The following COL24A1 variants were observed in gnomAD, a reference collection of about 807,000 sequenced individuals.
COL24A1 encodes the protein collagen alpha-1(XXIV) chain.
Under a neutral mutation model 253.9 loss-of-function variants are expected in COL24A1, and 224 were observed. That is an observed-to-expected ratio of 0.88 (90% CI 0.79 to 0.99). COL24A1 has a LOEUF of 0.99. Among genes scored for constraint, COL24A1 ranks in the 50% least tolerant of loss-of-function variants. The pLI is 0.00. For synonymous variants in COL24A1, 685 were observed against 673.7 expected, an observed-to-expected ratio of 1.02 and a Z score of -0.26; for missense variants, 2,131 against 2,068.5, an observed-to-expected ratio of 1.03 and a Z score of -0.59.
chr1:85,915,271 G>A (rs188549438), intron 24 of COL24A1, among the ~76,000 whole-genome samples: 118 of 152,288 alleles, frequency 7.7e-4, no homozygotes, highest in Non-Finnish European at 1.3e-3. Context: ...TAGTTCTCAG[G>A]CCTTTGGACT....
chr1:86,049,050 C>A lies in COL24A1; in HGVS notation c.1905+1074G>T, dbSNP rs566600057. Among the ~76,000 whole-genome samples, 24 of 152,296 alleles carry A rather than the reference C, an allele frequency of 1.6e-4. No individual in the cohort carries two copies. In the South Asian group the frequency reaches 5.0e-3, roughly 32 times the overall value. On this transcript the variant is annotated intron_variant, in intron 11 of 59. Coordinates refer to ENST00000370571, the MANE Select transcript of COL24A1 (RefSeq NM_152890.7). ...ACCATTGGGTCAAGAAGTAGCAGAT[C>A]AATTCTCTGCGTGATCGGTGAGATA...
At chr1:85,845,100 C>G (rs1201431182) in intron 39 of COL24A1, among the ~76,000 whole-genome samples, 2 of 151,696 alleles carry the variant, frequency 1.3e-5, no homozygotes, top group African/African-American at 2.4e-5. Flanking sequence ...ATTCAATAAG[C>G]TAAAATAAAA....
At chr1:85,841,182 T>G (rs1011826639) in intron 42 of COL24A1, 40 bp downstream of exon 42, 2 of 1,441,364 alleles carry the variant, frequency 1.4e-6, no homozygotes, top group Non-Finnish European at 1.9e-6. Context: ...TAATTGTGTT[T>G]TATCTTGAAT....
chr1:86,033,250 G>GT (rs972662530), intron 13 of COL24A1, among the ~76,000 whole-genome samples: 18 of 152,128 alleles, frequency 1.2e-4, no homozygotes, highest in African/African-American at 4.3e-4. Context: ...GAGATTTTGT[G>GT]TTTTTTTCTA....
chr1:86,020,042 C>G (rs1393505017), intron 18 of COL24A1, among the ~76,000 whole-genome samples: 3 of 142,588 alleles, frequency 2.1e-5, no homozygotes, highest in Non-Finnish European at 4.6e-5. Context: ...ATGGCCTAAA[C>G]TTTCTTTTTT....
intron 8 of COL24A1, among the ~76,000 whole-genome samples, chr1:86,063,044 ATAT>A (rs1202705608): frequency 6.6e-6 from 1 of 151,962 alleles, no homozygotes; most frequent in Non-Finnish European, 1.5e-5. Context: ...TGTTATATTC[ATAT>A]TATATTTTCA....
At position 86,059,143 on chromosome 1, in the gene COL24A1, G is replaced by A. The variant is rs1431060338; in HGVS notation, c.1784C>T (p.Ser595Leu). ...GIPGFAGNIG[S>L]PGYPGRQGLA... ...CACCTGCCTGCCAGGGTAACCGGGT[G>A]AACCAATATTACCAGCAAATCCTGG... Residue 595 changes from serine to leucine, a missense_variant, in exon 9 of 60, where the codon TCA (serine) becomes TTA (leucine). Coordinates refer to ENST00000370571, the MANE Select transcript of COL24A1 (RefSeq NM_152890.7). 1.9e-6 allele frequency: 3 copies of A among 1,611,300 alleles called. No homozygotes were observed. Among genetic ancestry groups the A allele is most frequent in the Non-Finnish European group, 2.5e-6 (3 of 1,178,434 alleles).
chr1:85,826,930 C>T (rs1200738785), intron 43 of COL24A1, among the ~76,000 whole-genome samples: 1 of 152,016 alleles, frequency 6.6e-6, no homozygotes, highest in Admixed American at 6.6e-5. Context: ...CTTATCCTGC[C>T]TAATTGCCCT....
At chr1:85,798,675 C>T (rs923072856) in intron 47 of COL24A1, among the ~76,000 whole-genome samples, 43 of 152,224 alleles carry the variant, frequency 2.8e-4, no homozygotes, top group African/African-American at 1.0e-3. Context: ...TGTTTTTCTT[C>T]CTTATACTGG....
In COL24A1 at chr1:86,027,376, A is replaced by T. The variant is rs912970209; in HGVS notation, c.2050-4369T>A. 7.9e-5 allele frequency among the ~76,000 whole-genome samples: 12 copies of T among 152,036 alleles called. No homozygotes were observed. The East Asian group carries it at 1.9e-3, about 25-fold the overall frequency. ...TATCACAGGCCCAGAGGCCTAGGAG[A>T]AAAAAAAGGTTTTTGGGCTGGGCCT... is the stretch of plus-strand genomic sequence containing the variant. On this transcript the variant is annotated intron_variant, in intron 14 of 59. Coordinates refer to ENST00000370571, the MANE Select transcript of COL24A1 (RefSeq NM_152890.7).
chr1:86,018,998 C>T (rs1272283325), intron 18 of COL24A1, among the ~76,000 whole-genome samples: 1 of 151,968 alleles, frequency 6.6e-6, no homozygotes, highest in South Asian at 2.1e-4. Context: ...TACTTGGAAA[C>T]AATATTAGTT....
At chr1:85,736,607 T>G (rs1311854787) in intron 58 of COL24A1, 1 of 418,430 alleles carries the variant, frequency 2.4e-6, no homozygotes, top group East Asian at 7.2e-5. Context: ...AGAGAGGTGT[T>G]TTAGGAGGAG....
intron 28 of COL24A1, among the ~76,000 whole-genome samples, chr1:85,901,263 T>C (rs1487513321): frequency 6.6e-6 from 1 of 152,050 alleles, no homozygotes; most frequent in Non-Finnish European, 1.5e-5. Flanking sequence ...AGACATTTCT[T>C]AAAAGACAGA....
intron 24 of COL24A1, among the ~76,000 whole-genome samples, chr1:85,956,694 T>C (rs1690499226): frequency 6.6e-6 from 1 of 152,038 alleles, no homozygotes. Context: ...AAAAAATAAA[T>C]CCACATTTTA....
chr1:86,062,063 G>C (rs546045279), intron 8 of COL24A1, among the ~76,000 whole-genome samples: 7 of 152,036 alleles, frequency 4.6e-5, no homozygotes, highest in African/African-American at 1.4e-4. Context: ...ATTTAAAAGT[G>C]GAAGTAACTG....
At chr1:86,052,238 A>T (rs1257373264) in intron 10 of COL24A1, among the ~76,000 whole-genome samples, 1 of 152,148 alleles carries the variant, frequency 6.6e-6, no homozygotes, top group Non-Finnish European at 1.5e-5. Context: ...TTCCATAATA[A>T]CAAATACTGA....
At chr1:86,133,918 G>A (rs1298971025) in intron 2 of COL24A1, among the ~76,000 whole-genome samples, 3 of 152,050 alleles carry the variant, frequency 2.0e-5, no homozygotes, top group Non-Finnish European at 4.4e-5. Flanking sequence ...GTTTCAGAAG[G>A]AATGGTACCA....
At position 85,928,531 on chromosome 1, in the gene COL24A1, TC is replaced by T. The variant is rs1333907189; in HGVS notation, c.2563-17099del. 4.0e-5 allele frequency among the ~76,000 whole-genome samples: 2 copies of T among 50,502 alleles called. 1 individual carries two copies. Among genetic ancestry groups the T allele is most frequent in the Non-Finnish European group, 7.4e-5 (2 of 26,996 alleles). 33.1% of individuals were successfully genotyped at this position (50,502 alleles called of 152,430 possible). A position where few individuals can be genotyped will look rare whatever the true frequency, so the allele number is the denominator to read the frequency against. On this transcript the variant is annotated intron_variant, in intron 24 of 59. Coordinates refer to ENST00000370571, the MANE Select transcript of COL24A1 (RefSeq NM_152890.7). ...CTGCAGGATATTATCCAGGAGAACGTCCCCAATCTAGCAAGGCAGGCCAACG... is the reference window on the plus strand; with the variant it reads ...CTGCAGGATATTATCCAGGAGAACGTCCCAATCTAGCAAGGCAGGCCAACG...
chr1:85,905,806 CTG>C (rs1558603091), intron 28 of COL24A1, among the ~76,000 whole-genome samples: 1 of 152,100 alleles, frequency 6.6e-6, no homozygotes, highest in Non-Finnish European at 1.5e-5. Flanking sequence ...TAGGAAAAGA[CTG>C]TGCTTAGATA....
Sources: gnomAD v4.1 joint callset for allele counts (sites outside exome capture counted in the v4.1 genomes callset) on GRCh38, gnomAD v4.1.1 for gene constraint, MANE v1.5 for transcripts, NCBI Gene and HGNC (gene_info 2026-07-23, HGNC 2026-07-21) for gene names.